Variants in CSMD1 observed in about 807,000 individuals in gnomAD.
CSMD1 encodes the protein CUB and Sushi multiple domains 1, also known as CUB and sushi domain-containing protein 1.
CSMD1 carries 213 observed loss-of-function variants against 417.5 expected under a neutral mutation model. The observed-to-expected ratio is 0.51, with a 90% CI of 0.46 to 0.57. The LOEUF (loss-of-function observed/expected upper bound fraction) is 0.57, where lower values mean the gene tolerates loss of function less well. Ranked by LOEUF, CSMD1 falls within the 20% of genes least tolerant of loss-of-function variation. The pLI, the probability that CSMD1 is intolerant of heterozygous loss-of-function variation, is 0.00. For synonymous variants in CSMD1, 2,862 were observed against 1,736.8 expected, an observed-to-expected ratio of 1.65 and a Z score of -16.11; for missense variants, 6,923 against 4,529.7, an observed-to-expected ratio of 1.53 and a Z score of -15.17.
At chr8:3,631,520 C>T (rs1445613916) in intron 7 of CSMD1, among the ~76,000 whole-genome samples, 1 of 152,142 alleles carries the variant, frequency 6.6e-6, no homozygotes, top group African/African-American at 2.4e-5. Context: ...TAGGGGATTC[C>T]AGATAGGAAA....
intron 5 of CSMD1, among the ~76,000 whole-genome samples, chr8:3,867,276 A>C (rs760618644): frequency 6.6e-6 from 1 of 152,178 alleles, no homozygotes; most frequent in Admixed American, 6.5e-5. Flanking sequence ...ACCATTACAT[A>C]TCTTGAATAT....
At chr8:4,426,755 G>T (rs1021850016) in intron 2 of CSMD1, among the ~76,000 whole-genome samples, 1 of 146,512 alleles carries the variant, frequency 6.8e-6, no homozygotes, top group Non-Finnish European at 1.5e-5. Flanking sequence ...TAGTAATATA[G>T]TAATATTTTA....
chr8:3,033,215 T>G (rs1201113256), intron 50 of CSMD1, among the ~76,000 whole-genome samples: 2 of 152,124 alleles, frequency 1.3e-5, no homozygotes, highest in Non-Finnish European at 2.9e-5. Flanking sequence ...ATTTTCACAG[T>G]GAAAACATTC....
At chr8:3,907,454 G>T (rs572425335) in intron 5 of CSMD1, among the ~76,000 whole-genome samples, 2 of 152,200 alleles carry the variant, frequency 1.3e-5, no homozygotes, top group Non-Finnish European at 2.9e-5. Flanking sequence ...AGCTGTCGAG[G>T]TACACTTTAA....
chr8:3,493,312 A>G (rs955862571), intron 11 of CSMD1, among the ~76,000 whole-genome samples: 90 of 126,338 alleles, frequency 7.1e-4, no homozygotes, highest in Non-Finnish European at 8.4e-4. Flanking sequence ...AAAAAAAAAA[A>G]GGGGGGGCGG....
intron 1 of CSMD1, among the ~76,000 whole-genome samples, chr8:4,754,334 G>C (rs568768369): frequency 6.6e-6 from 1 of 152,290 alleles, no homozygotes; most frequent in South Asian, 2.1e-4. Context: ...CATTCAACTT[G>C]AAACCTTGTG....
intron 1 of CSMD1, among the ~76,000 whole-genome samples, chr8:4,815,694 C>CAAAAA (rs1218931391): frequency 1.1e-3 from 71 of 67,232 alleles, no homozygotes; most frequent in Non-Finnish European, 1.4e-3. Flanking sequence ...AAAGCTGTCT[C>CAAAAA]AAAAAAAAAA....
At chr8:4,404,809 G>T (rs914163977) in intron 3 of CSMD1, among the ~76,000 whole-genome samples, 1 of 151,926 alleles carries the variant, frequency 6.6e-6, no homozygotes, top group Non-Finnish European at 1.5e-5. Context: ...ATGTTCTATG[G>T]GTACACAGTA....
At chr8:3,647,585 A>G (rs1317461886) in intron 7 of CSMD1, among the ~76,000 whole-genome samples, 1 of 152,222 alleles carries the variant, frequency 6.6e-6, no homozygotes, top group Non-Finnish European at 1.5e-5. Flanking sequence ...AAAGAAAAAC[A>G]CAGCATGTTG....
At chr8:4,080,941 G>A (rs562190760) in intron 3 of CSMD1, among the ~76,000 whole-genome samples, 40 of 152,190 alleles carry the variant, frequency 2.6e-4, no homozygotes, top group African/African-American at 9.1e-4. Flanking sequence ...TAGGCTCTGG[G>A]GACTCTACCC....
At chr8:4,024,871 G>A (rs750501259) in intron 4 of CSMD1, among the ~76,000 whole-genome samples, 3 of 152,282 alleles carry the variant, frequency 2.0e-5, no homozygotes, top group East Asian at 1.9e-4. Flanking sequence ...CTTAAGTAAG[G>A]TTTGCTAAAA....
At chr8:2,971,399 G>C (rs747581371) in intron 57 of CSMD1, among the ~76,000 whole-genome samples, 4 of 152,138 alleles carry the variant, frequency 2.6e-5, no homozygotes, top group Non-Finnish European at 5.9e-5. Flanking sequence ...TGAACTTGAC[G>C]TTTCTTCGTG....
intron 2 of CSMD1, among the ~76,000 whole-genome samples, chr8:4,636,708 A>G (rs1323597448): frequency 6.6e-6 from 1 of 152,262 alleles, no homozygotes; most frequent in Non-Finnish European, 1.5e-5. Context: ...ATAAAAAGTT[A>G]AATTTTTAAG....
intron 26 of CSMD1, chr8:3,278,226 C>G (rs1327135700): frequency 6.6e-6 from 1 of 152,130 alleles, no homozygotes; most frequent in Non-Finnish European, 1.5e-5. Flanking sequence ...TTAAAAAGCT[C>G]CAATGTAACA....
intron 2 of CSMD1, among the ~76,000 whole-genome samples, chr8:4,531,719 G>C (rs923087409): frequency 3.3e-5 from 5 of 152,268 alleles, no homozygotes; most frequent in Admixed American, 6.5e-5. Context: ...ACAGCTTTGA[G>C]ATACAATTCC....
At chr8:3,176,738 T>C (rs932851373) in intron 37 of CSMD1, among the ~76,000 whole-genome samples, 3 of 152,076 alleles carry the variant, frequency 2.0e-5, no homozygotes, top group Non-Finnish European at 4.4e-5. Flanking sequence ...GCAGGTACCC[T>C]GGTGACCTCA....
At chr8:3,418,554 G>T (rs1813299569) in intron 12 of CSMD1, among the ~76,000 whole-genome samples, 1 of 152,098 alleles carries the variant, frequency 6.6e-6, no homozygotes, top group Non-Finnish European at 1.5e-5. Context: ...CCCGATTTGG[G>T]TATATAAAAG....
At chr8:4,519,908 C>A (rs1352686179) in intron 2 of CSMD1, among the ~76,000 whole-genome samples, 2 of 147,638 alleles carry the variant, frequency 1.4e-5, no homozygotes, top group Admixed American at 1.4e-4. Context: ...AATGTATTCT[C>A]TTACATTATG....
At position 3,930,928 on chromosome 8, in the gene CSMD1, G is replaced by T. The variant is rs7014467; in HGVS notation, c.818+66975C>A. ...AAAAATAATTTACAATGGTTCAATTGTTGCTAGGATTCTTAAAAACCTAAA... is the reference window on the plus strand; with the variant it reads ...AAAAATAATTTACAATGGTTCAATTTTTGCTAGGATTCTTAAAAACCTAAA... On this transcript the variant is annotated intron_variant, in intron 5 of 69. Coordinates refer to ENST00000635120, the MANE Select transcript of CSMD1 (RefSeq NM_033225.6). Among the ~76,000 whole-genome samples the T allele has an allele frequency of 4.4e-3, 655 of 150,544 alleles. 46 individuals are homozygous for T. Among genetic ancestry groups the T allele is most frequent in the African/African-American group, 0.015 (626 of 40,904 alleles).
Sources: allele counts gnomAD v4.1 joint callset (sites outside exome capture counted in the v4.1 genomes callset), GRCh38; gene constraint gnomAD v4.1.1; transcripts MANE v1.5; gene names NCBI Gene and HGNC (gene_info 2026-07-23, HGNC 2026-07-21).